The following DTD1 variants were observed in gnomAD, a reference collection of about 807,000 sequenced individuals.
DTD1 encodes the protein D-aminoacyl-tRNA deacylase 1, also known as D-tyrosyl-tRNA deacylase 1 homolog.
A neutral mutation model predicts 25.6 loss-of-function variants in DTD1; 13 were observed. That is an observed-to-expected ratio of 0.51 (90% confidence interval 0.33 to 0.81). The LOEUF (loss-of-function observed/expected upper bound fraction) is 0.81, where lower values mean the gene tolerates loss of function less well. Ranked by LOEUF, DTD1 falls within the 30% of genes least tolerant of loss-of-function variation. DTD1 has a pLI of 0.02. For synonymous variants in DTD1, 110 were observed against 103.6 expected (o/e 1.06, Z -0.37); for missense variants, 193 against 266.4 (o/e 0.72, Z 1.92).
intron 5 of DTD1, among the ~76,000 whole-genome samples, chr20:18,754,719 A>G (rs946904969): frequency 1.3e-5 from 2 of 152,372 alleles, no homozygotes; most frequent in South Asian, 2.1e-4. Context: ...GTTGATGGCC[A>G]GTAACCTGGC....
At position 18,689,477 on chromosome 20, in the gene DTD1, A is replaced by G. The variant is rs150103645; in HGVS notation, c.478-54623A>G. Among the ~76,000 whole-genome samples the G allele has an allele frequency of 3.9e-5, 6 of 152,284 alleles. No individual in the cohort carries two copies. The East Asian group carries it at 9.7e-4, about 25-fold the overall frequency. ...CTTGTTGTTTTCATTTTTAGCATTCATTTGAGCAGGGATGCAACTGAGGCT... is the reference window on the plus strand; with the variant it reads ...CTTGTTGTTTTCATTTTTAGCATTCGTTTGAGCAGGGATGCAACTGAGGCT... On this transcript the variant is annotated intron_variant, in intron 4 of 5. Coordinates refer to ENST00000377452, the MANE Select transcript of DTD1 (RefSeq NM_080820.6).
chr20:18,631,572 G>A, intron 4 of DTD1: 7 of 985,450 alleles, frequency 7.1e-6, no homozygotes, highest in Non-Finnish European at 8.4e-6. Context: ...CCTTGGGTCT[G>A]TAAAGGTTCT....
Position 18,740,172 on chromosome 20 carries a change from C to G in DTD1, c.478-3928C>G, listed in dbSNP as rs1309834664. ...AATTGGGGTTACTCCCCATCGTCCT[C>G]TCTGGATCTGGTTCTCAATAGCATA... On this transcript the variant is annotated intron_variant, in intron 4 of 5. Coordinates refer to ENST00000377452, the MANE Select transcript of DTD1 (RefSeq NM_080820.6). Among the ~76,000 whole-genome samples, 3 of 152,040 alleles carry G rather than the reference C, an allele frequency of 2.0e-5. No individual in the cohort carries two copies. In the East Asian group the frequency reaches 5.8e-4, roughly 29 times the overall value.
At chr20:18,694,927 G>C (rs150581419) in intron 4 of DTD1, among the ~76,000 whole-genome samples, 1,851 of 152,250 alleles carry the variant, frequency 0.012, 37 homozygotes, top group African/African-American at 0.041. Context: ...TGTACAGTAT[G>C]TGAAGAAAAA....
At chr20:18,651,432 T>A (rs1600344681) in intron 4 of DTD1, among the ~76,000 whole-genome samples, 1 of 152,374 alleles carries the variant, frequency 6.6e-6, no homozygotes, top group East Asian at 1.9e-4. Context: ...ATTATAGGCG[T>A]GAGCCACCGC....
At chr20:18,627,428 C>T (rs1397524720) in intron 3 of DTD1, among the ~76,000 whole-genome samples, 1 of 152,200 alleles carries the variant, frequency 6.6e-6, no homozygotes, top group Non-Finnish European at 1.5e-5. Flanking sequence ...GCAAACATGG[C>T]CTTCCAGAAT....
At chr20:18,658,180 G>A (rs889938729) in intron 4 of DTD1, among the ~76,000 whole-genome samples, 2 of 142,690 alleles carry the variant, frequency 1.4e-5, no homozygotes, top group African/African-American at 5.1e-5. Flanking sequence ...GAGGGCATAA[G>A]AGTCTGAGAT....
intron 4 of DTD1, among the ~76,000 whole-genome samples, chr20:18,693,284 A>T (rs1039917738): frequency 6.6e-6 from 1 of 152,222 alleles, no homozygotes; most frequent in Admixed American, 6.5e-5. Context: ...ACATTTGTTT[A>T]TATGACTTTT....
At chr20:18,744,040 G>A (rs1468948763) in intron 4 of DTD1, 60 bp from the exon 5 acceptor site, 2 of 1,515,086 alleles carry the variant, frequency 1.3e-6, no homozygotes, top group East Asian at 4.9e-5. Flanking sequence ...ACTGGTGTGT[G>A]GGATACACAG....
chr20:18,671,450 G>A (rs1014666134), intron 4 of DTD1, among the ~76,000 whole-genome samples: 1 of 151,946 alleles, frequency 6.6e-6, no homozygotes, highest in Non-Finnish European at 1.5e-5. Context: ...ATGTTTTTTG[G>A]CCAATTGCAG....
chr20:18,593,710 T>A (rs772783975), intron 1 of DTD1, 21 bp from the exon 2 acceptor site: 2 of 1,600,158 alleles, frequency 1.2e-6, no homozygotes, highest in South Asian at 2.2e-5. Context: ...AGTTCTTCTC[T>A]CCCTTTTGGT....
At chr20:18,614,163 G>A (rs1224190597) in intron 3 of DTD1, among the ~76,000 whole-genome samples, 1 of 152,078 alleles carries the variant, frequency 6.6e-6, no homozygotes, top group Non-Finnish European at 1.5e-5. Context: ...CTGGGGCACT[G>A]GACAGACCAG....
chr20:18,633,629 G>A (rs1415399784), intron 4 of DTD1, among the ~76,000 whole-genome samples: 1 of 152,210 alleles, frequency 6.6e-6, no homozygotes, highest in Non-Finnish European at 1.5e-5. Context: ...TGTCACTGCT[G>A]TTGCCTCTCA....
chr20:18,745,284 C>T (rs909384575), intron 5 of DTD1, among the ~76,000 whole-genome samples: 1 of 152,228 alleles, frequency 6.6e-6, no homozygotes, highest in African/African-American at 2.4e-5. Context: ...CCTGCCTGAA[C>T]ATCAGAGGCC....
At chr20:18,747,996 C>T (rs762065917) in intron 5 of DTD1, among the ~76,000 whole-genome samples, 10 of 152,006 alleles carry the variant, frequency 6.6e-5, no homozygotes, top group East Asian at 1.9e-4. Flanking sequence ...TCCAGCCTGG[C>T]GACAGAGTGA....
chr20:18,631,398 C>T, intron 4 of DTD1: 1 of 985,758 alleles, frequency 1.0e-6, no homozygotes, highest in Non-Finnish European at 1.2e-6. Context: ...GCTTTGGAGC[C>T]CTTCCCTTCC....
intron 4 of DTD1, among the ~76,000 whole-genome samples, chr20:18,725,622 C>T (rs2061220240): frequency 1.3e-5 from 2 of 152,072 alleles, no homozygotes; most frequent in African/African-American, 4.8e-5. Context: ...TCGTTTTTTG[C>T]GTAAGATGCT....
At chr20:18,684,804 A>G (rs779157849) in intron 4 of DTD1, among the ~76,000 whole-genome samples, 1 of 152,196 alleles carries the variant, frequency 6.6e-6, no homozygotes, top group Non-Finnish European at 1.5e-5. Flanking sequence ...GACAACTCCC[A>G]AAATCTCTAC....
At chr20:18,619,887 T>G (rs1216905939) in intron 3 of DTD1, among the ~76,000 whole-genome samples, 1 of 152,232 alleles carries the variant, frequency 6.6e-6, no homozygotes. Context: ...ACCTTTAGCT[T>G]TACTAACTGA....
Sources: allele counts gnomAD v4.1 joint callset (sites outside exome capture counted in the v4.1 genomes callset), GRCh38; gene constraint gnomAD v4.1.1; transcripts MANE v1.5; gene names NCBI Gene and HGNC (gene_info 2026-07-23, HGNC 2026-07-21).